Variants in PIM2 observed in about 807,000 individuals in gnomAD.
PIM2 encodes the protein Pim-2 proto-oncogene, serine/threonine kinase.
Under a neutral mutation model 18.0 loss-of-function variants are expected in PIM2, and 3 were observed. The ratio of observed to expected loss-of-function variants is 0.17; its 90% CI spans 0.08 to 0.43. PIM2 has a LOEUF of 0.43. Ranked by LOEUF, PIM2 falls within the 20% of genes least tolerant of loss-of-function variation. The pLI, the probability that PIM2 is intolerant of heterozygous loss-of-function variation, is 0.99. For synonymous variants in PIM2, 117 were observed against 105.3 expected (o/e 1.11, Z -0.68); for missense variants, 181 against 260.8 (o/e 0.69, Z 2.11).
Position 48,915,272 on chromosome X carries a change from C to G in PIM2, c.343G>C (p.Val115Leu). ...TGGGCGGGCAAAGGCCGCTCGAGGA[C>G]CAGCATGAAGCCCTCCTGTGTCTCA... ...WFETQEGFML[V>L]LERPLPAQDL... is the part of the protein sequence containing the mutation. The change falls in exon 4 of 6, where the codon GTC becomes CTC. Residue 115 changes from valine (V) to leucine (L), a missense_variant. Val to Leu is a conservative substitution (Grantham distance 32, BLOSUM62 1). Coordinates refer to ENST00000376509, the MANE Select transcript of PIM2 (RefSeq NM_006875.4). 8.3e-7 allele frequency: 1 copy of G among 1,212,062 alleles called. No individual in the cohort carries two copies. Among genetic ancestry groups the G allele is most frequent in the Non-Finnish European group, 1.1e-6 (1 of 895,532 alleles).
At position 48,917,786 on chromosome X, in the gene PIM2, G is replaced by A. The variant is rs782025967; in HGVS notation, c.217C>T (p.Pro73Ser). ...IPRNRVLGWS[P>S]LSDSVTCPLE... is the part of the protein sequence containing the mutation. ...AGGGCTCCGAAGGTACTCACCAAGG[G>A]GGACCAGCCCAGCACACGATTCCGG... The change falls in exon 3 of 6, where the codon CCC becomes TCC. Residue 73 changes from proline (P) to serine (S), a missense_variant. This residue lies in a region of PIM2 where 104 missense variants were observed against 125.3 expected (regional missense o/e 0.83). Coordinates refer to ENST00000376509, the MANE Select transcript of PIM2 (RefSeq NM_006875.4). The A allele has an allele frequency of 2.5e-6, 3 of 1,204,062 alleles. No homozygotes were observed. The highest frequency in any genetic ancestry group is 1.7e-5 in the African/African-American group (1 of 57,566).
chrX:48,918,880 G>A lies in PIM2; in HGVS notation c.-46C>T, dbSNP rs369487469. ...TGAGCCCACTGAACCCGCTAAGCCC[G>A]CAGGGCGTGGACGCCCGGGGCAGCG... On this transcript the variant is annotated 5_prime_UTR_variant, in exon 1 of 6. Coordinates refer to ENST00000376509, the MANE Select transcript of PIM2 (RefSeq NM_006875.4). The A allele has an allele frequency of 6.9e-5, 76 of 1,107,687 alleles. No homozygotes were observed. The African/African-American group carries it at 1.3e-3, about 19-fold the overall frequency. 91.3% of individuals were successfully genotyped at this position (1,107,687 alleles called of 1,213,427 possible).
chrX:48,915,246 C>T lies in PIM2; in HGVS notation c.369G>A (p.Gln123=). The change falls in exon 4 of 6, where the codon CAG becomes CAA. Residue 123 remains glutamine, a synonymous_variant. Coordinates refer to ENST00000376509, the MANE Select transcript of PIM2 (RefSeq NM_006875.4). The stretch of plus-strand genomic sequence containing the variant: ...TCTCTGTGATATAGTCAAAGAGATC[C>T]TGGGCGGGCAAAGGCCGCTCGAGGA... The part of the protein sequence containing the change: ...MLVLERPLPA[Q]DLFDYITEKG... 1.7e-6 allele frequency: 2 copies of T among 1,211,982 alleles called. No homozygotes were observed. Among genetic ancestry groups the T allele is most frequent in the East Asian group, 3.0e-5 (1 of 33,834 alleles).
In PIM2 at chrX:48,914,184, G is replaced by T; in HGVS notation, c.883C>A (p.Leu295Ile). The change falls in exon 6 of 6, where the codon CTC becomes ATC. Residue 295 changes from leucine to isoleucine, a missense_variant. Physicochemically the swap from Leu to Ile is conservative, Grantham distance 5 (BLOSUM62 2). Transcript: ENST00000376509. Reference protein sequence around the residue: ...WMQTPAEDVPLNPSKGGPAPL... With the variant: ...WMQTPAEDVPINPSKGGPAPL... The stretch of plus-strand genomic sequence containing the variant: ...GCAGGGCCTCCTTTGGAGGGGTTGA[G>T]GGGTACATCCTCGGCTGGTGTTTGC... The T allele has an allele frequency of 8.5e-7, 1 of 1,174,360 alleles. No homozygotes were observed. Among genetic ancestry groups the T allele is most frequent in the Non-Finnish European group, 1.1e-6 (1 of 877,273 alleles).
intron 3 of PIM2, among the ~76,000 whole-genome samples, chrX:48,916,851 G>GA (rs781867162): frequency 1.5e-3 from 144 of 96,107 alleles, no homozygotes; most frequent in African/African-American, 5.1e-3. Flanking sequence ...CCGTCTCAAG[G>GA]AAAAAAAAAA....
intron 3 of PIM2, 61 bp from the exon 4 acceptor site, chrX:48,915,453 C>T (rs1434348933): frequency 3.7e-6 from 4 of 1,083,122 alleles, no homozygotes; most frequent in African/African-American, 3.7e-5. Context: ...AGGGCAACAG[C>T]TCTGAGGCTT....
chrX:48,918,880 G>T lies in PIM2; in HGVS notation c.-46C>A. ...TGAGCCCACTGAACCCGCTAAGCCCGCAGGGCGTGGACGCCCGGGGCAGCG... is the reference window on the plus strand; with the variant it reads ...TGAGCCCACTGAACCCGCTAAGCCCTCAGGGCGTGGACGCCCGGGGCAGCG... On this transcript the variant is annotated 5_prime_UTR_variant, in exon 1 of 6. Transcript: ENST00000376509. The T allele has an allele frequency of 9.0e-7, 1 of 1,108,877 alleles. No individual in the cohort carries two copies. The highest frequency in any genetic ancestry group is 1.2e-6 in the Non-Finnish European group (1 of 819,750). The allele number at this position is 1,108,877 out of a possible 1,213,427, so 91.4% of individuals were successfully genotyped here.
chrX:48,917,624 GA>G (rs781928339), intron 3 of PIM2, among the ~76,000 whole-genome samples, 156 bp downstream of exon 3: 1 of 112,734 alleles, frequency 8.9e-6, no homozygotes, highest in Non-Finnish European at 1.9e-5. Flanking sequence ...GAATTGGGGT[GA>G]ATCAGAACTG....
Position 48,914,084 on chromosome X carries a change from G to A in PIM2, c.*47C>T. ...CCATCTATCCCTGTGACATGGCCATGGGATGGCTCTTCTGACCATTGGGGG... is the reference window on the plus strand; with the variant it reads ...CCATCTATCCCTGTGACATGGCCATAGGATGGCTCTTCTGACCATTGGGGG... On this transcript the variant is annotated 3_prime_UTR_variant, in exon 6 of 6. Transcript: ENST00000376509. 2 of 806,314 alleles carry A rather than the reference G, an allele frequency of 2.5e-6. No homozygotes were observed. Among genetic ancestry groups the A allele is most frequent in the Non-Finnish European group, 1.7e-6 (1 of 572,182 alleles). 66.4% of individuals were successfully genotyped at this position (806,314 alleles called of 1,213,427 possible). A position where few individuals can be genotyped will look rare whatever the true frequency, so the allele number is the denominator to read the frequency against.
At chrX:48,915,855 G>A (rs1269067579) in intron 3 of PIM2, 1 of 117,456 alleles carries the variant, frequency 8.5e-6, no homozygotes, top group African/African-American at 3.3e-5. Flanking sequence ...GAAGGCAGAG[G>A]TTGCAGTGAA....
At chrX:48,917,630 G>C in intron 3 of PIM2, 151 bp downstream of exon 3, 1 of 472,182 alleles carries the variant, frequency 2.1e-6, no homozygotes, top group East Asian at 3.8e-5. Context: ...GGGTGAATCA[G>C]AACTGTATGT....
At chrX:48,914,968 C>CA (rs1386987470) in intron 4 of PIM2, 52 bp downstream of exon 4, 2 of 1,124,139 alleles carry the variant, frequency 1.8e-6, no homozygotes, top group Non-Finnish European at 2.4e-6. Flanking sequence ...CCAAAGGTCA[C>CA]AAGGCCATCA....
chrX:48,914,337 G>A (rs2063557349), intron 5 of PIM2, 43 bp from the exon 6 acceptor site: 1 of 1,210,780 alleles, frequency 8.3e-7, no homozygotes, highest in South Asian at 1.8e-5. Context: ...CAGTCAGTAG[G>A]GGGTACTGGT....
rs782125448 is a variant in PIM2 at position 48,917,725 on chromosome X, G to A, written c.222+56C>T. 26 of 968,418 alleles carry A rather than the reference G, an allele frequency of 2.7e-5. No homozygotes were observed. The South Asian group carries it at 4.3e-4, about 16-fold the overall frequency. 79.8% of individuals were successfully genotyped at this position (968,418 alleles called of 1,213,427 possible). A position where few individuals can be genotyped will look rare whatever the true frequency, so the allele number is the denominator to read the frequency against. On this transcript the variant is annotated intron_variant, in intron 3 of 5. Transcript: ENST00000376509. ...CATACATCCCCTGGAAAAGCAAGGA[G>A]GTGAATACATCAGTGATGGAGTAGG...
At chrX:48,915,622 T>G (rs1557045169) in intron 3 of PIM2, 2 of 374,698 alleles carry the variant, frequency 5.3e-6, no homozygotes, top group African/African-American at 5.1e-5. Context: ...ATGTCGTAGA[T>G]CAATAAACAT....
chrX:48,919,003 G>A lies in PIM2; in HGVS notation c.-169C>T. 1 of 437,947 alleles carries A rather than the reference G, an allele frequency of 2.3e-6. No individual in the cohort carries two copies. The highest frequency in any genetic ancestry group is 4.3e-5 in the East Asian group (1 of 23,513). The allele number at this position is 437,947 out of a possible 1,213,427, so 36.1% of individuals were successfully genotyped here. ...ACGGCGCAGCGTTGAGATTCGCCGC[G>A]CGCGCCAGCCCCAATGCTACTGAGC... On this transcript the variant is annotated 5_prime_UTR_variant, in exon 1 of 6. Transcript: ENST00000376509.
At position 48,914,434 on chromosome X, in the gene PIM2, G is replaced by A. The variant is rs781819504; in HGVS notation, c.733C>T (p.Leu245=). The A allele has an allele frequency of 2.4e-5, 29 of 1,208,227 alleles. No individual in the cohort carries two copies. The highest frequency in any genetic ancestry group is 2.3e-4 in the Middle Eastern group (1 of 4,373). Residue 245 remains leucine (L), a synonymous_variant, in exon 5 of 6, where the codon CTG becomes TTG. Coordinates refer to ENST00000376509, the MANE Select transcript of PIM2 (RefSeq NM_006875.4). ...GCTGGGAAGTGGAGCTCAGCTTCCA[G>A]AATCTCCTGGTCCCTCTCAAAGGGA... ...DIPFERDQEI[L]EAELHFPAHV...
At chrX:48,918,711 C>G (rs1557045563) in intron 1 of PIM2, 63 bp downstream of exon 1, 48 of 1,132,013 alleles carry the variant, frequency 4.2e-5, no homozygotes, top group South Asian at 5.6e-5. Context: ...CTCCCTCCCC[C>G]CGCGCTGCAA....
Position 48,914,456 on chromosome X carries a change from G to A in PIM2, c.711C>T (p.Pro237=). The change falls in exon 5 of 6, where the codon CCC becomes CCT. Residue 237 remains proline, a synonymous_variant. Coordinates refer to ENST00000376509, the MANE Select transcript of PIM2 (RefSeq NM_006875.4). ...CCAGAATCTCCTGGTCCCTCTCAAA[G>A]GGAATGTCCCCACACACCATGTCAT... The part of the protein sequence containing the change: ...LLYDMVCGDI[P]FERDQEILEA... The A allele has an allele frequency of 8.3e-7, 1 of 1,210,827 alleles. No homozygotes were observed. The highest frequency in any genetic ancestry group is 1.1e-6 in the Non-Finnish European group (1 of 895,104).
Sources: allele counts gnomAD v4.1 joint callset (sites outside exome capture counted in the v4.1 genomes callset), GRCh38; gene constraint gnomAD v4.1.1; regional missense constraint gnomAD v4.1.1; transcripts MANE v1.5; gene names NCBI Gene and HGNC (gene_info 2026-07-23, HGNC 2026-07-21).